The following MAF variants were observed in gnomAD, a reference collection of about 807,000 sequenced individuals.
The protein encoded by MAF is MAF bZIP transcription factor.
A neutral mutation model predicts 22.0 loss-of-function variants in MAF; 10 were observed. That is an observed-to-expected ratio of 0.45 (90% CI 0.28 to 0.77). MAF has a LOEUF of 0.77. Among genes scored for constraint, MAF ranks in the 30% least tolerant of loss-of-function variants. The pLI, the probability that MAF is intolerant of heterozygous loss-of-function variation, is 0.12. For synonymous variants in MAF, 337 were observed against 255.8 expected, an observed-to-expected ratio of 1.32 and a Z score of -3.03; for missense variants, 544 against 548.4, an observed-to-expected ratio of 0.99 and a Z score of 0.08.
the MAF span, among the ~76,000 whole-genome samples, chr16:79,502,778 G>A: frequency 2.2e-5 from 3 of 134,314 alleles, no homozygotes; most frequent in African/African-American, 5.8e-5. Flanking sequence ...CTCAATGAGG[G>A]TTTGCCTGTG....
chr16:79,221,575 T>C, the MAF span, among the ~76,000 whole-genome samples: 4 of 152,334 alleles, frequency 2.6e-5, no homozygotes, highest in African/African-American at 9.6e-5. Context: ...TTATTAATAA[T>C]ACAAAACAGA....
At chr16:79,535,342 G>T in the MAF span, among the ~76,000 whole-genome samples, 2 of 151,386 alleles carry the variant, frequency 1.3e-5, no homozygotes, top group African/African-American at 2.4e-5. Context: ...CAGGGGAAGA[G>T]ACCTTAGGCA....
intron 1 of MAF, 126 bp downstream of exon 1, chr16:79,598,659 C>T: frequency 6.5e-7 from 1 of 1,529,556 alleles, no homozygotes; most frequent in Admixed American, 2.0e-5. Flanking sequence ...GGGGGCCAAA[C>T]TCGGTGGGGG....
chr16:79,443,849 T>C, the MAF span, among the ~76,000 whole-genome samples: 2 of 151,998 alleles, frequency 1.3e-5, no homozygotes, highest in East Asian at 3.9e-4. Flanking sequence ...TTAAATGAGG[T>C]AGGTAACATG....
chr16:79,407,231 C>T, the MAF span, among the ~76,000 whole-genome samples: 2 of 152,238 alleles, frequency 1.3e-5, no homozygotes, highest in Non-Finnish European at 2.9e-5. Flanking sequence ...GGACGCGTTG[C>T]GCAAGGAGTG....
At chr16:79,551,474 T>C in the MAF span, among the ~76,000 whole-genome samples, 1 of 152,182 alleles carries the variant, frequency 6.6e-6, no homozygotes, top group African/African-American at 2.4e-5. Context: ...TTTGATGAGA[T>C]TCCCAAACTG....
the MAF span, among the ~76,000 whole-genome samples, chr16:79,421,570 G>A: frequency 6.6e-6 from 1 of 152,062 alleles, no homozygotes; most frequent in Non-Finnish European, 1.5e-5. Context: ...ACCTCGGAAG[G>A]GAAGATGATA....
At chr16:79,539,459 G>A in the MAF span, among the ~76,000 whole-genome samples, 56 of 152,230 alleles carry the variant, frequency 3.7e-4, no homozygotes, top group African/African-American at 1.1e-3. Flanking sequence ...AGCCGAGATC[G>A]CGCCACTGCA....
chr16:79,527,526 C>T, the MAF span, among the ~76,000 whole-genome samples: 1 of 152,176 alleles, frequency 6.6e-6, no homozygotes, highest in East Asian at 1.9e-4. Context: ...GGTGACATTA[C>T]AAAATGGGAG....
At chr16:79,588,252 G>A (rs960834223) in intron 1 of MAF, among the ~76,000 whole-genome samples, 1 of 152,116 alleles carries the variant, frequency 6.6e-6, no homozygotes, top group South Asian at 2.1e-4. Flanking sequence ...ACACTGCTCC[G>A]AGTCACAGAA....
the MAF span, among the ~76,000 whole-genome samples, chr16:79,564,587 T>C: frequency 3.3e-5 from 5 of 152,330 alleles, no homozygotes; most frequent in Admixed American, 1.3e-4. Context: ...GCGCCTTCTT[T>C]TGTCCATGTG....
the MAF span, among the ~76,000 whole-genome samples, chr16:79,510,734 T>C: frequency 8.6e-3 from 1,303 of 152,298 alleles, 13 homozygotes; most frequent in Non-Finnish European, 0.013. Flanking sequence ...GTAGCTGTCT[T>C]GACATTTTAA....
chr16:79,402,662 G>A, the MAF span, among the ~76,000 whole-genome samples: 1 of 152,240 alleles, frequency 6.6e-6, no homozygotes, highest in Non-Finnish European at 1.5e-5. Context: ...GGGTGCGGTT[G>A]GATAAAGGCC....
the MAF span, among the ~76,000 whole-genome samples, chr16:79,334,991 C>A: frequency 6.6e-6 from 1 of 151,610 alleles, no homozygotes; most frequent in Non-Finnish European, 1.5e-5. Context: ...TTGAGACCAG[C>A]CTGGCCAACA....
chr16:79,528,498 G>A, the MAF span, among the ~76,000 whole-genome samples: 6 of 152,208 alleles, frequency 3.9e-5, no homozygotes, highest in Middle Eastern at 3.4e-3. Flanking sequence ...AGCAAGGCAT[G>A]GCTCTCTCTT....
chr16:79,357,253 C>CCA, the MAF span, among the ~76,000 whole-genome samples: 2 of 145,976 alleles, frequency 1.4e-5, no homozygotes, highest in Admixed American at 1.4e-4. Context: ...AAGACTCTGT[C>CCA]ACAACAACAA....
the MAF span, among the ~76,000 whole-genome samples, chr16:79,527,611 A>C: frequency 6.6e-6 from 1 of 152,108 alleles, no homozygotes; most frequent in African/African-American, 2.4e-5. Flanking sequence ...ATCACCTTAC[A>C]ATCATTAAGG....
the MAF span, among the ~76,000 whole-genome samples, chr16:79,228,973 TC>T: frequency 1.3e-5 from 2 of 151,780 alleles, no homozygotes; most frequent in Non-Finnish European, 2.9e-5. Flanking sequence ...AGATGGGCTT[TC>T]ATCGTTAACA....
chr16:79,518,670 T>C, the MAF span, among the ~76,000 whole-genome samples: 2,424 of 152,324 alleles, frequency 0.016, 62 homozygotes, highest in African/African-American at 0.056. Context: ...AGTTAATATA[T>C]GTAAAACATT....
Sources: allele counts gnomAD v4.1 joint callset (sites outside exome capture counted in the v4.1 genomes callset), GRCh38; gene constraint gnomAD v4.1.1; transcripts MANE v1.5; gene names NCBI Gene and HGNC (gene_info 2026-07-23, HGNC 2026-07-21).